The following CLEC19A variants were observed in gnomAD, a reference collection of about 807,000 sequenced individuals.
CLEC19A encodes the protein C-type lectin domain containing 19A.
CLEC19A carries 21 observed loss-of-function variants against 26.1 expected under a neutral mutation model. The ratio of observed to expected loss-of-function variants is 0.80; its 90% CI spans 0.57 to 1.16. CLEC19A has a LOEUF of 1.16. Ranked by LOEUF, CLEC19A falls within the 50% of genes most tolerant of loss-of-function variation. CLEC19A has a pLI of 0.00. For synonymous variants in CLEC19A, 89 were observed against 88.6 expected, an observed-to-expected ratio of 1.00 and a Z score of -0.03; for missense variants, 224 against 227.6, an observed-to-expected ratio of 0.98 and a Z score of 0.10.
At position 19,285,823 on chromosome 16, in the gene CLEC19A, G is replaced by T; in HGVS notation, c.-29G>T. ...CAAAAAGCCTCTCTCCTCCACTCAG[G>T]CTGGGAGGTTGCTTTCTAGGAGCTC... On this transcript the variant is annotated 5_prime_UTR_variant, in exon 1 of 5. Coordinates refer to ENST00000636231, the MANE Select transcript of CLEC19A (RefSeq NM_001256720.2). The T allele has an allele frequency of 1.3e-6, 2 of 1,547,254 alleles. No individual in the cohort carries two copies. Among genetic ancestry groups the T allele is most frequent in the Non-Finnish European group, 1.7e-6 (2 of 1,144,296 alleles).
chr16:19,307,518 T>G (rs748327746), intron 3 of CLEC19A, 27 bp from the exon 4 acceptor site: 2 of 1,546,498 alleles, frequency 1.3e-6, no homozygotes, highest in South Asian at 1.2e-5. Context: ...GCTTGCTTCT[T>G]TGTCTCTTTG....
In CLEC19A at chr16:19,298,801, G is replaced by C; in HGVS notation, c.217G>C (p.Val73Leu). ...EADLYCSEFS[V>L]GRKSAKLASI... The stretch of plus-strand genomic sequence containing the variant: ...CGACCTCTACTGTTCTGAGTTCTCT[G>C]TGGGCAGGAAGTCCGCCAAGCTGGC... The change falls in exon 2 of 5, where the codon GTG (valine) becomes CTG (leucine). Residue 73 changes from valine to leucine, a missense_variant. Val to Leu is a conservative substitution (Grantham distance 32). Transcript: ENST00000636231. 1.3e-6 allele frequency: 2 copies of C among 1,550,656 alleles called. No homozygotes were observed. The highest frequency in any genetic ancestry group is 1.2e-5 in the South Asian group (1 of 84,048).
chr16:19,298,764 C>A lies in CLEC19A; in HGVS notation c.180C>A (p.Thr60=), dbSNP rs1361132176. The A allele has an allele frequency of 1.2e-5, 18 of 1,550,840 alleles. No individual in the cohort carries two copies. The highest frequency in any genetic ancestry group is 1.3e-5 in the Non-Finnish European group (15 of 1,147,050). ...ATCGATTCTTCCCTCTCAATAAGACCTGGGCTGAGGCCGACCTCTACTGTT... is the reference window on the plus strand; with the variant it reads ...ATCGATTCTTCCCTCTCAATAAGACATGGGCTGAGGCCGACCTCTACTGTT... ...HCYRFFPLNK[T]WAEADLYCSE... The change falls in exon 2 of 5, where the codon ACC becomes ACA. Residue 60 remains threonine (T), a synonymous_variant. Transcript: ENST00000636231.
At chr16:19,302,786 CAGTTGT>C (rs1897863751) in intron 2 of CLEC19A, among the ~76,000 whole-genome samples, 4 of 152,132 alleles carry the variant, frequency 2.6e-5, no homozygotes, top group Admixed American at 2.6e-4. Context: ...CCTGGATGAG[CAGTTGT>C]TTTGGCTTTC....
At chr16:19,305,409 G>C (rs1223685463) in intron 3 of CLEC19A, among the ~76,000 whole-genome samples, 2 of 152,180 alleles carry the variant, frequency 1.3e-5, no homozygotes, top group African/African-American at 4.8e-5. Flanking sequence ...GTATAATAAG[G>C]CTGAAGAGGA....
chr16:19,292,876 G>A (rs1897619331), intron 1 of CLEC19A, among the ~76,000 whole-genome samples: 1 of 152,210 alleles, frequency 6.6e-6, no homozygotes, highest in Admixed American at 6.5e-5. Context: ...CTAGGGGCAA[G>A]CAGTTCCCAA....
chr16:19,298,592 A>T, intron 1 of CLEC19A, 81 bp from the exon 2 acceptor site: 4 of 1,393,562 alleles, frequency 2.9e-6, no homozygotes, highest in Non-Finnish European at 3.9e-6. Flanking sequence ...GATTGTAAAG[A>T]AAAGAAAATA....
rs1335772650 is a variant in CLEC19A, at chr16:19,307,658, A to G, written c.462A>G (p.Ile154Met). ...ADPEEEDCVQ[I>M]WYRPTSALRS... is the part of the protein sequence containing the mutation. Reference sequence around the variant, plus strand: ...CAGAAGAAGAGGACTGCGTGCAGATATGGTACAGGCCTACCAGTGGTGGGT... The same window carrying G: ...CAGAAGAAGAGGACTGCGTGCAGATGTGGTACAGGCCTACCAGTGGTGGGT... The change falls in exon 4 of 5, where the codon ATA (isoleucine) becomes ATG (methionine). Residue 154 changes from isoleucine (I) to methionine (M), a missense_variant. By Grantham distance (10) the Ile-to-Met change is conservative. Transcript: ENST00000636231. The G allele has an allele frequency of 1.9e-6, 3 of 1,548,162 alleles. No individual in the cohort carries two copies. The highest frequency in any genetic ancestry group is 2.4e-5 in the South Asian group (2 of 83,954).
intron 3 of CLEC19A, 136 bp downstream of exon 3, chr16:19,304,291 C>T (rs1897902473): frequency 1.4e-6 from 1 of 702,238 alleles, no homozygotes; most frequent in Non-Finnish European, 2.5e-6. Flanking sequence ...ACCAAGATGT[C>T]ACAGTTACAG....
chr16:19,285,779 C>T lies in CLEC19A; in HGVS notation c.-73C>T. On this transcript the variant is annotated 5_prime_UTR_variant, in exon 1 of 5. Transcript: ENST00000636231. The stretch of plus-strand genomic sequence containing the variant: ...CTCCATCTGACCCTAGGAGAGCAAT[C>T]CTGGACCCAAGCTCCAGCCAAAAAG... 7.4e-7 allele frequency: 1 copy of T among 1,359,184 alleles called. No individual in the cohort carries two copies. The highest frequency in any genetic ancestry group is 1.0e-6 in the Non-Finnish European group (1 of 976,072). 84.2% of individuals were successfully genotyped at this position (1,359,184 alleles called of 1,614,324 possible).
At chr16:19,297,672 T>C (rs1478395189) in intron 1 of CLEC19A, among the ~76,000 whole-genome samples, 1 of 152,182 alleles carries the variant, frequency 6.6e-6, no homozygotes, top group East Asian at 1.9e-4. Flanking sequence ...TACAAAAATG[T>C]ATAATGACAT....
chr16:19,296,019 T>A (rs1246266258), intron 1 of CLEC19A, among the ~76,000 whole-genome samples: 2 of 152,236 alleles, frequency 1.3e-5, no homozygotes, highest in Non-Finnish European at 2.9e-5. Flanking sequence ...GCCAAGGTGC[T>A]GTGCCCACTT....
intron 1 of CLEC19A, among the ~76,000 whole-genome samples, chr16:19,298,468 G>A (rs1334567888): frequency 6.6e-6 from 1 of 152,082 alleles, no homozygotes; most frequent in Non-Finnish European, 1.5e-5. Flanking sequence ...TCAGGAGGCT[G>A]AGGTGGGAGT....
intron 1 of CLEC19A, among the ~76,000 whole-genome samples, chr16:19,290,015 A>G (rs2143008579): frequency 6.6e-6 from 1 of 152,280 alleles, no homozygotes; most frequent in African/African-American, 2.4e-5. Context: ...GCTGGGTCCC[A>G]AGACTGATCT....
chr16:19,303,945 T>C, intron 2 of CLEC19A, 117 bp from the exon 3 acceptor site: 1 of 798,082 alleles, frequency 1.3e-6, no homozygotes, highest in Non-Finnish European at 2.0e-6. Context: ...CCGAATTGGA[T>C]CATATCCTCT....
chr16:19,301,130 A>G (rs1439666093), intron 2 of CLEC19A, among the ~76,000 whole-genome samples: 2 of 152,236 alleles, frequency 1.3e-5, no homozygotes, highest in Non-Finnish European at 2.9e-5. Context: ...TATATTCAAT[A>G]AAAAGCAAAT....
rs1294403080 is a variant in CLEC19A at position 19,298,782 on chromosome 16, C to G, written c.198C>G (p.Leu66=). The part of the protein sequence containing the change: ...PLNKTWAEAD[L]YCSEFSVGRK... ...ATAAGACCTGGGCTGAGGCCGACCTCTACTGTTCTGAGTTCTCTGTGGGCA... is the reference window on the plus strand; with the variant it reads ...ATAAGACCTGGGCTGAGGCCGACCTGTACTGTTCTGAGTTCTCTGTGGGCA... Residue 66 remains leucine (L), a synonymous_variant, in exon 2 of 5, where the codon CTC becomes CTG. Coordinates refer to ENST00000636231, the MANE Select transcript of CLEC19A (RefSeq NM_001256720.2). 3 of 1,550,652 alleles carry G rather than the reference C, an allele frequency of 1.9e-6. No homozygotes were observed. The East Asian group carries it at 7.3e-5, about 38-fold the overall frequency.
At chr16:19,299,181 A>G (rs547979650) in intron 2 of CLEC19A, among the ~76,000 whole-genome samples, 4 of 152,374 alleles carry the variant, frequency 2.6e-5, no homozygotes, top group South Asian at 4.1e-4. Context: ...ATCCACCTTT[A>G]TAAGTGCCAG....
chr16:19,296,612 G>T (rs1897710747), intron 1 of CLEC19A, among the ~76,000 whole-genome samples: 1 of 152,144 alleles, frequency 6.6e-6, no homozygotes, highest in African/African-American at 2.4e-5. Context: ...CTTGGGAGTT[G>T]GGAAGCCTAG....
Sources: gnomAD v4.1 joint callset for allele counts (sites outside exome capture counted in the v4.1 genomes callset) on GRCh38, gnomAD v4.1.1 for gene constraint, MANE v1.5 for transcripts, NCBI Gene and HGNC (gene_info 2026-07-23, HGNC 2026-07-21) for gene names.